The following ASAP1 variants were observed in gnomAD, a reference collection of about 807,000 sequenced individuals.
The protein encoded by ASAP1 is arf-GAP with SH3 domain, ANK repeat and PH domain-containing protein 1.
A neutral mutation model predicts 145.2 loss-of-function variants in ASAP1; 43 were observed. The ratio of observed to expected loss-of-function variants is 0.30; its 90% CI spans 0.23 to 0.38. The LOEUF is 0.38. Ranked by LOEUF, ASAP1 falls within the 10% of genes least tolerant of loss-of-function variation. ASAP1 has a pLI of 1.00. For missense variants in ASAP1, 1,018 were observed against 1,355.3 expected (o/e 0.75, Z 3.91); for synonymous variants, 546 against 515.5 (o/e 1.06, Z -0.80).
At chr8:130,130,667 T>C (rs2097581547) in intron 15 of ASAP1, among the ~76,000 whole-genome samples, 1 of 152,332 alleles carries the variant, frequency 6.6e-6, no homozygotes, top group East Asian at 1.9e-4. Context: ...GGGCTTTACA[T>C]AGCTTATCCT....
At chr8:130,095,277 A>G (rs2097514906) in intron 24 of ASAP1, among the ~76,000 whole-genome samples, 1 of 144,856 alleles carries the variant, frequency 6.9e-6, no homozygotes, top group Non-Finnish European at 1.5e-5. Flanking sequence ...CACTACTTCT[A>G]TCTTTTTAGG....
chr8:130,198,531 C>A (rs932829028), intron 5 of ASAP1, among the ~76,000 whole-genome samples: 1 of 152,126 alleles, frequency 6.6e-6, no homozygotes, highest in African/African-American at 2.4e-5. Flanking sequence ...GATAATGCAG[C>A]CCATTATACT....
chr8:130,059,450 C>A (rs1049265122), intron 28 of ASAP1, among the ~76,000 whole-genome samples: 1 of 152,018 alleles, frequency 6.6e-6, no homozygotes, highest in Non-Finnish European at 1.5e-5. Context: ...CAGATGTGAG[C>A]CACTGCACCC....
intron 24 of ASAP1, among the ~76,000 whole-genome samples, chr8:130,105,519 T>C (rs1016317701): frequency 1.3e-5 from 2 of 152,244 alleles, no homozygotes; most frequent in African/African-American, 4.8e-5. Flanking sequence ...TTTTCAAGAA[T>C]ACAGTACGTT....
In ASAP1 at chr8:130,097,126, C is replaced by CAAAAAAA. The variant is rs61591724; in HGVS notation, c.2402-4990_2402-4984dup. Among the ~76,000 whole-genome samples, 47 of 53,574 alleles carry CAAAAAAA rather than the reference C, an allele frequency of 8.8e-4. 2 individuals carry two copies. Among genetic ancestry groups the CAAAAAAA allele is most frequent in the East Asian group, 1.7e-3 (2 of 1,180 alleles). The allele number at this position is 53,574 out of a possible 152,430, so 35.1% of individuals were successfully genotyped here. On this transcript the variant is annotated intron_variant, in intron 24 of 29. Coordinates refer to ENST00000518721, the MANE Select transcript of ASAP1 (RefSeq NM_018482.4). ...AGGAGACAGAGTGACAGTTAGTCTC[C>CAAAAAAA]AAAAAAAAAAAAAAAAAAAAAAAAA...
Position 130,060,630 on chromosome 8 carries a change from G to A in ASAP1, c.3141C>T (p.Leu1047=), listed in dbSNP as rs761238372. 7 of 1,614,136 alleles carry A rather than the reference G, an allele frequency of 4.3e-6. No individual in the cohort carries two copies. In the South Asian group the frequency reaches 5.5e-5, roughly 13 times the overall value. ...QKQASEDSND[L]TPTLPETPVP... The stretch of plus-strand genomic sequence containing the variant: ...CGGGCGTCTCTGGCAGAGTAGGCGT[G>A]AGGTCGTTGGAGTCTTCAGATGCTT... The change falls in exon 28 of 30, where the codon CTC becomes CTT. Residue 1047 remains leucine (L), a synonymous_variant. Coordinates refer to ENST00000518721, the MANE Select transcript of ASAP1 (RefSeq NM_018482.4).
chr8:130,106,695 CTG>C (rs947525637), intron 24 of ASAP1, among the ~76,000 whole-genome samples: 20 of 152,264 alleles, frequency 1.3e-4, no homozygotes, highest in Non-Finnish European at 2.2e-4. Flanking sequence ...ATCCTACTCT[CTG>C]TGCCAGGGAT....
intron 13 of ASAP1, among the ~76,000 whole-genome samples, chr8:130,138,579 G>A (rs1182600445): frequency 6.6e-6 from 1 of 152,190 alleles, no homozygotes; most frequent in Non-Finnish European, 1.5e-5. Context: ...GCTCATGCCT[G>A]TAATCCCAGC....
rs767580918 is a variant in ASAP1 at position 130,112,131 on chromosome 8, C to T, written c.2364G>A (p.Thr788=). 1.1e-5 allele frequency: 18 copies of T among 1,613,952 alleles called. No homozygotes were observed. Among genetic ancestry groups the T allele is most frequent in the South Asian group, 5.5e-5 (5 of 91,074 alleles). ...TSTDSPTSPT[T]EAPPLPPRNA... is the part of the protein sequence containing the mutation. ...TCCTAGGAGGCAGAGGGGGAGCCTC[C>T]GTGGTTGGTGATGTGGGCGAGTCTG... The change falls in exon 24 of 30, where the codon ACG becomes ACA. Residue 788 remains threonine, a synonymous_variant. Coordinates refer to ENST00000518721, the MANE Select transcript of ASAP1 (RefSeq NM_018482.4).
intron 3 of ASAP1, among the ~76,000 whole-genome samples, chr8:130,284,714 C>A (rs1437442379): frequency 6.6e-6 from 1 of 152,018 alleles, no homozygotes; most frequent in African/African-American, 2.4e-5. Flanking sequence ...AAGTTTATCT[C>A]TGTAATCACT....
At chr8:130,410,938 G>A (rs960332288) in intron 1 of ASAP1, among the ~76,000 whole-genome samples, 1 of 152,178 alleles carries the variant, frequency 6.6e-6, no homozygotes, top group Non-Finnish European at 1.5e-5. Context: ...TCCGCTCACT[G>A]CAACCTCCGT....
At chr8:130,429,767 G>A (rs971654053) in intron 1 of ASAP1, among the ~76,000 whole-genome samples, 6 of 152,068 alleles carry the variant, frequency 3.9e-5, no homozygotes, top group African/African-American at 7.2e-5. Context: ...CCACTCCCCC[G>A]CAACACACAC....
chr8:130,140,819 G>A (rs1398139115), intron 13 of ASAP1, among the ~76,000 whole-genome samples: 3 of 152,142 alleles, frequency 2.0e-5, no homozygotes, highest in Non-Finnish European at 4.4e-5. Flanking sequence ...AGCCAAGTAC[G>A]CATAAGTTTT....
At chr8:130,094,540 G>C (rs768596912) in intron 24 of ASAP1, among the ~76,000 whole-genome samples, 2 of 152,018 alleles carry the variant, frequency 1.3e-5, no homozygotes, top group African/African-American at 4.8e-5. Context: ...TTATGGATAC[G>C]AATAGTTGTA....
chr8:130,287,591 G>A (rs932047001), intron 3 of ASAP1, among the ~76,000 whole-genome samples: 1 of 152,130 alleles, frequency 6.6e-6, no homozygotes, highest in African/African-American at 2.4e-5. Flanking sequence ...AACCCACAAA[G>A]CCTAACAGCC....
intron 25 of ASAP1, among the ~76,000 whole-genome samples, chr8:130,082,078 C>T (rs1488373173): frequency 1.3e-5 from 2 of 152,160 alleles, no homozygotes; most frequent in Non-Finnish European, 2.9e-5. Flanking sequence ...GCACCTATCA[C>T]CTCCTGGTCT....
chr8:130,232,174 C>T (rs1817947024), intron 4 of ASAP1, among the ~76,000 whole-genome samples: 1 of 152,186 alleles, frequency 6.6e-6, no homozygotes, highest in Non-Finnish European at 1.5e-5. Context: ...CATGGCATCA[C>T]CTCTACTACA....
intron 4 of ASAP1, among the ~76,000 whole-genome samples, chr8:130,220,616 G>C (rs763950555): frequency 1.1e-4 from 16 of 152,104 alleles, no homozygotes; most frequent in Non-Finnish European, 1.5e-4. Flanking sequence ...GTGGGCAGAT[G>C]GCTTGAGCCT....
chr8:130,275,066 A>T (rs1398050163), intron 3 of ASAP1, among the ~76,000 whole-genome samples: 1 of 152,220 alleles, frequency 6.6e-6, no homozygotes, highest in Non-Finnish European at 1.5e-5. Context: ...ACTTTTTTAG[A>T]GTCTTCATCT....
Sources: allele counts gnomAD v4.1 joint callset (sites outside exome capture counted in the v4.1 genomes callset), GRCh38; gene constraint gnomAD v4.1.1; transcripts MANE v1.5; gene names NCBI Gene and HGNC (gene_info 2026-07-23, HGNC 2026-07-21).